Variants in GNB5 observed in about 807,000 individuals in gnomAD.
GNB5 encodes G protein subunit beta 5, also known as guanine nucleotide-binding protein subunit beta-5.
A neutral mutation model predicts 55.3 loss-of-function variants in GNB5; 37 were observed. The ratio of observed to expected loss-of-function variants is 0.67; its 90% CI spans 0.51 to 0.88. The LOEUF is 0.88. Ranked by LOEUF, GNB5 falls within the 40% of genes least tolerant of loss-of-function variation. GNB5 has a pLI of 0.00. For missense variants in GNB5, 476 were observed against 515.3 expected (o/e 0.92, Z 0.74); for synonymous variants, 219 against 198.5 (o/e 1.10, Z -0.87).
Position 52,153,977 on chromosome 15 carries a change from C to T in GNB5, c.338G>A (p.Trp113Ter). Residue 113 changes from tryptophan to a stop codon, truncating the protein, a stop_gained, in exon 4 of 13, where the codon TGG (tryptophan) becomes TAG (stop). Transcript: ENST00000261837. LOFTEE classifies it high-confidence loss of function. ...GHGNKVLCMD[W>*]CKDKRRIVSS... is the part of the protein sequence containing the mutation. ...CACGATCCTCCTCTTATCTTTGCAC[C>T]AGTCCATGCACAGGACTTTGTTCCC... 1 of 1,613,900 alleles carries T rather than the reference C, an allele frequency of 6.2e-7. No individual in the cohort carries two copies. Among genetic ancestry groups the T allele is most frequent in the African/African-American group, 1.3e-5 (1 of 75,046 alleles).
chr15:52,181,134 C>G (rs899320488), intron 2 of GNB5: 1 of 152,250 alleles, frequency 6.6e-6, no homozygotes, highest in Admixed American at 6.5e-5. Flanking sequence ...CTCTCTGTAC[C>G]TGCTCCCTCC....
Position 52,187,638 on chromosome 15 carries a change from T to G in GNB5, c.-18-2944A>C, listed in dbSNP as rs565239170. Among the ~76,000 whole-genome samples the G allele has an allele frequency of 1.1e-3, 161 of 152,310 alleles. 2 individuals carry two copies. The Middle Eastern group carries it at 0.014, about 13-fold the overall frequency. On this transcript the variant is annotated intron_variant, in intron 1 of 12. Coordinates refer to ENST00000261837, the MANE Select transcript of GNB5 (RefSeq NM_016194.4). ...TTTTTCAAATTATAAAAGATGCTGA[T>G]AATGTTCATTATAAATAACTGGAAA... is the stretch of plus-strand genomic sequence containing the variant.
chr15:52,118,102 A>C lies in GNB5; in HGVS notation c.*4655T>G, dbSNP rs1285627244. The C allele has an allele frequency of 6.6e-6, 1 of 152,364 alleles. No homozygotes were observed. Among genetic ancestry groups the C allele is most frequent in the African/African-American group, 2.4e-5 (1 of 41,434 alleles). 9.4% of individuals were successfully genotyped at this position (152,364 alleles called of 1,614,324 possible). On this transcript the variant is annotated 3_prime_UTR_variant, in exon 13 of 13. Transcript: ENST00000261837. The stretch of plus-strand genomic sequence containing the variant: ...CGACTGCCTCTCTGGGACTTCCTCC[A>C]CCGACCGGGGCTGTCCCAAAGCCTC...
chr15:52,137,356 G>A (rs1015652199), intron 7 of GNB5: 14 of 1,047,050 alleles, frequency 1.3e-5, no homozygotes, highest in Non-Finnish European at 1.6e-5. Context: ...CTTCAAGGAA[G>A]AGTGAGAGCT....
At chr15:52,155,350 C>T (rs730945) in intron 3 of GNB5, among the ~76,000 whole-genome samples, 5,148 of 152,252 alleles carry the variant, frequency 0.034, 306 homozygotes, top group African/African-American at 0.12. Flanking sequence ...AAGCCTGTGC[C>T]GAGAGGTGCC....
intron 4 of GNB5, among the ~76,000 whole-genome samples, chr15:52,152,313 TATATA>T (rs1371104520): frequency 6.6e-6 from 1 of 151,840 alleles, no homozygotes; most frequent in Non-Finnish European, 1.5e-5. Flanking sequence ...AAATAGGATT[TATATA>T]ATATCTTTTT....
chr15:52,167,022 A>C (rs1181415965), intron 3 of GNB5, among the ~76,000 whole-genome samples: 1 of 152,180 alleles, frequency 6.6e-6, no homozygotes, highest in Non-Finnish European at 1.5e-5. Flanking sequence ...AGAAATACAA[A>C]CAACCATCAG....
At chr15:52,168,087 G>A (rs1441250519) in intron 3 of GNB5, among the ~76,000 whole-genome samples, 1 of 152,088 alleles carries the variant, frequency 6.6e-6, no homozygotes, top group Admixed American at 6.5e-5. Context: ...CCCTTGACTG[G>A]CACAAGACAA....
In GNB5 at chr15:52,133,292, C is replaced by T. The variant is rs1050507329; in HGVS notation, c.863+86G>A. ...CCTCTCTCAGCCAAGTAAACTGAGT[C>T]TGGAGGCGGTTCCTGGGCTAAGGAT... On this transcript the variant is annotated intron_variant, in intron 9 of 12. Transcript: ENST00000261837. The T allele has an allele frequency of 4.5e-6, 4 of 879,324 alleles. No homozygotes were observed. In the African/African-American group the frequency reaches 6.6e-5, roughly 14 times the overall value. The allele number at this position is 879,324 out of a possible 1,614,324, so 54.5% of individuals were successfully genotyped here.
intron 4 of GNB5, among the ~76,000 whole-genome samples, chr15:52,153,584 G>C (rs1199589420): frequency 6.6e-6 from 1 of 152,126 alleles, no homozygotes; most frequent in East Asian, 1.9e-4. Context: ...CATAAGAATT[G>C]CTAAGCTCCT....
rs117952600 is a variant in GNB5 at position 52,127,928 on chromosome 15, T to C, written c.912+268A>G. On this transcript the variant is annotated intron_variant, in intron 10 of 12. Coordinates refer to ENST00000261837, the MANE Select transcript of GNB5 (RefSeq NM_016194.4). Reference sequence around the variant, plus strand: ...AGAAAATATAATGGAGAGAAATATTTACCAGCCTGGGAAAATGTTCACATT... The same window carrying C: ...AGAAAATATAATGGAGAGAAATATTCACCAGCCTGGGAAAATGTTCACATT... 0.027 allele frequency among the ~76,000 whole-genome samples: 4,064 copies of C among 152,280 alleles called. 70 individuals are homozygous for C. The highest frequency in any genetic ancestry group is 0.051 in the Middle Eastern group (15 of 292).
chr15:52,125,742 T>C (rs749908206), intron 11 of GNB5: 6 of 548,292 alleles, frequency 1.1e-5, no homozygotes, highest in Non-Finnish European at 1.9e-5. Context: ...CAGCCTTCAT[T>C]TCCCCCTGGA....
At chr15:52,126,242 C>A in intron 10 of GNB5, 198 bp from the exon 11 acceptor site, 1 of 472,728 alleles carries the variant, frequency 2.1e-6, no homozygotes, top group South Asian at 4.1e-5. Context: ...AGTCCTGATT[C>A]CTATTAATCT....
At chr15:52,142,141 C>G (rs62014722) in intron 6 of GNB5, among the ~76,000 whole-genome samples, 22,695 of 152,156 alleles carry the variant, frequency 0.15, 2,023 homozygotes, top group Admixed American at 0.27. Flanking sequence ...CTTCATGTCA[C>G]AAGGCTTGTA....
intron 7 of GNB5, chr15:52,137,174 T>C: frequency 2.0e-6 from 2 of 1,012,648 alleles, no homozygotes; most frequent in Non-Finnish European, 2.5e-6. Context: ...TCTCCCTTAC[T>C]GTGGCAGGTC....
In GNB5 at chr15:52,124,483, T is replaced by C. The variant is rs1194054744; in HGVS notation, c.1166A>G (p.His389Arg). ...AACCATCCCTCTTACTCTGAGGGTA[T>C]GATCCCATGATCCAGAGCAGAAAGC... ...GTAFCSGSWD[H>R]TLRVWA is the part of the protein sequence containing the mutation. The change falls in exon 12 of 13, where the codon CAT becomes CGT. Residue 389 changes from histidine to arginine, a missense_variant. By Grantham distance (29) the His-to-Arg change is conservative. Transcript: ENST00000261837. 6.2e-7 allele frequency: 1 copy of C among 1,613,520 alleles called. No individual in the cohort carries two copies. Among genetic ancestry groups the C allele is most frequent in the Non-Finnish European group, 8.5e-7 (1 of 1,179,502 alleles).
chr15:52,137,345 T>C, intron 7 of GNB5: 2 of 1,050,160 alleles, frequency 1.9e-6, no homozygotes, highest in Non-Finnish European at 2.3e-6. Context: ...TCTGAGTTGG[T>C]CTTCAAGGAA....
intron 3 of GNB5, among the ~76,000 whole-genome samples, chr15:52,169,099 G>A (rs1269531745): frequency 6.6e-6 from 1 of 152,218 alleles, no homozygotes; most frequent in East Asian, 1.9e-4. Flanking sequence ...CAGTGTGGAC[G>A]AATCACTTGA....
chr15:52,150,477 C>T (rs1184145413), intron 4 of GNB5, among the ~76,000 whole-genome samples: 1 of 152,172 alleles, frequency 6.6e-6, no homozygotes, highest in African/African-American at 2.4e-5. Flanking sequence ...CTGTATGGGC[C>T]TGAGATCAGT....
Sources: gnomAD v4.1 joint callset for allele counts (sites outside exome capture counted in the v4.1 genomes callset) on GRCh38, gnomAD v4.1.1 for gene constraint, MANE v1.5 for transcripts, NCBI Gene and HGNC (gene_info 2026-07-23, HGNC 2026-07-21) for gene names.